Variants in AUNIP observed in about 807,000 individuals in gnomAD.
The protein encoded by AUNIP is aurora kinase A- and ninein-interacting protein.
A neutral mutation model predicts 12.2 loss-of-function variants in AUNIP; 16 were observed. That is an observed-to-expected ratio of 1.31 (90% CI 0.88 to 1.99). The LOEUF (loss-of-function observed/expected upper bound fraction) is 1.99. Among genes scored for constraint, AUNIP ranks in the 30% most tolerant of loss-of-function variants. AUNIP has a pLI of 0.00. For synonymous variants in AUNIP, 142 were observed against 154.8 expected (o/e 0.92, Z 0.61); for missense variants, 411 against 419.1 (o/e 0.98, Z 0.17).
chr1:25,846,293 C>T (rs1009747305), intron 1 of AUNIP, among the ~76,000 whole-genome samples: 1 of 151,736 alleles, frequency 6.6e-6, no homozygotes, highest in Non-Finnish European at 1.5e-5. Context: ...GTGGCGTGCA[C>T]CTGTAGTCCC....
At chr1:25,849,334 T>C (rs1205691140) in intron 1 of AUNIP, among the ~76,000 whole-genome samples, 1 of 152,202 alleles carries the variant, frequency 6.6e-6, no homozygotes, top group Non-Finnish European at 1.5e-5. Context: ...TATGAAGTTG[T>C]GTAATTATCA....
chr1:25,855,904 G>T (rs1431150924), intron 1 of AUNIP, among the ~76,000 whole-genome samples: 1 of 152,214 alleles, frequency 6.6e-6, no homozygotes, highest in Non-Finnish European at 1.5e-5. Flanking sequence ...ACAAGAAGGA[G>T]AAATGGTGTT....
intron 1 of AUNIP, among the ~76,000 whole-genome samples, chr1:25,849,326 T>C (rs1045374258): frequency 6.6e-6 from 1 of 152,214 alleles, no homozygotes; most frequent in African/African-American, 2.4e-5. Flanking sequence ...AGTATACTTA[T>C]GAAGTTGTGT....
At position 25,859,274 on chromosome 1, in the gene AUNIP, T is replaced by C; in HGVS notation, c.78+6A>G. 6.4e-7 allele frequency: 1 copy of C among 1,573,124 alleles called. No homozygotes were observed. ...CCCAACGCCCTCTCATCCCCCAGCG[T>C]CCCACCTGCACTTTCCGCCTCTTCA... On this transcript the variant is annotated splice_donor_region_variant and intron_variant, in intron 1 of 2. Coordinates refer to ENST00000374298, the MANE Select transcript of AUNIP (RefSeq NM_024037.3).
chr1:25,846,135 C>T (rs982459867), intron 1 of AUNIP, among the ~76,000 whole-genome samples: 2 of 152,092 alleles, frequency 1.3e-5, no homozygotes, highest in African/African-American at 2.4e-5. Flanking sequence ...AAGGGTGCTC[C>T]CAGGCCGGGT....
chr1:25,859,376 G>C lies in AUNIP; in HGVS notation c.-19C>G. On this transcript the variant is annotated 5_prime_UTR_variant, in exon 1 of 3. Transcript: ENST00000374298. ...GCCTCATGGCCGCTGAGGAGACGAAGCCGGCAGGACGCCGGCGCAGGCTCC... is the reference window on the plus strand; with the variant it reads ...GCCTCATGGCCGCTGAGGAGACGAACCCGGCAGGACGCCGGCGCAGGCTCC... 6.6e-7 allele frequency: 1 copy of C among 1,504,080 alleles called. No homozygotes were observed. The highest frequency in any genetic ancestry group is 8.8e-7 in the Non-Finnish European group (1 of 1,133,604). The allele number at this position is 1,504,080 out of a possible 1,614,324, so 93.2% of individuals were successfully genotyped here.
At chr1:25,840,121 T>C (rs1037786183) in intron 1 of AUNIP, among the ~76,000 whole-genome samples, 1 of 152,024 alleles carries the variant, frequency 6.6e-6, no homozygotes, top group Non-Finnish European at 1.5e-5. Context: ...ATGTGATAGA[T>C]AAGAGAATTA....
intron 2 of AUNIP, among the ~76,000 whole-genome samples, chr1:25,836,723 T>C (rs1452910068): frequency 1.3e-5 from 2 of 151,662 alleles, no homozygotes; most frequent in East Asian, 3.9e-4. Context: ...AGTGGGTTTT[T>C]TGTTTGTTTT....
At chr1:25,848,384 A>G (rs2048399268) in intron 1 of AUNIP, among the ~76,000 whole-genome samples, 1 of 148,648 alleles carries the variant, frequency 6.7e-6, no homozygotes, top group Admixed American at 6.8e-5. Flanking sequence ...TGAAAGGCTG[A>G]GGCAGGAGAA....
In AUNIP at chr1:25,841,388, T is replaced by C. The variant is rs897361075; in HGVS notation, c.79-3834A>G. ...GTGTTTTTGTTTTTGTTTTTACAAA[T>C]TGAAGGTTTGTGGCAAGCCTGTGTT... is the stretch of plus-strand genomic sequence containing the variant. On this transcript the variant is annotated intron_variant, in intron 1 of 2. Transcript: ENST00000374298. Among the ~76,000 whole-genome samples, 32 of 152,244 alleles carry C rather than the reference T, an allele frequency of 2.1e-4. 1 individual carries two copies. The highest frequency in any genetic ancestry group is 1.8e-3 in the Admixed American group (28 of 15,284).
At chr1:25,857,152 T>C (rs1398224703) in intron 1 of AUNIP, among the ~76,000 whole-genome samples, 2 of 152,036 alleles carry the variant, frequency 1.3e-5, no homozygotes, top group Non-Finnish European at 2.9e-5. Flanking sequence ...GTATACAAGT[T>C]TCCCACGCAT....
At chr1:25,854,893 C>G (rs2048449628) in intron 1 of AUNIP, among the ~76,000 whole-genome samples, 1 of 152,102 alleles carries the variant, frequency 6.6e-6, no homozygotes, top group Admixed American at 6.6e-5. Flanking sequence ...CTGGCTTCTC[C>G]CAAAGAGACA....
At chr1:25,859,184 G>T in intron 1 of AUNIP, 96 bp downstream of exon 1, 2 of 1,289,710 alleles carry the variant, frequency 1.6e-6, no homozygotes, top group South Asian at 1.3e-5. Flanking sequence ...CCCCGACTTC[G>T]CTTTCATCAT....
chr1:25,837,771 A>C (rs2048315433), intron 1 of AUNIP, among the ~76,000 whole-genome samples: 1 of 152,198 alleles, frequency 6.6e-6, no homozygotes. Flanking sequence ...ATGATAGCCC[A>C]ATCTTTCTGC....
Position 25,859,390 on chromosome 1 carries a change from GGCGCAGGC to G in AUNIP, c.-41_-34del. ...GAGGAGACGAAGCCGGCAGGACGCCGGCGCAGGCTCCCGGCGCCTCAGGGAACGCCAGA... is the reference window on the plus strand; with the variant it reads ...GAGGAGACGAAGCCGGCAGGACGCCGTCCCGGCGCCTCAGGGAACGCCAGA... On this transcript the variant is annotated 5_prime_UTR_variant, in exon 1 of 3. Transcript: ENST00000374298. 6.8e-7 allele frequency: 1 copy of G among 1,480,944 alleles called. No homozygotes were observed. Among genetic ancestry groups the G allele is most frequent in the Non-Finnish European group, 8.9e-7 (1 of 1,125,134 alleles). 91.7% of individuals were successfully genotyped at this position (1,480,944 alleles called of 1,614,324 possible).
At chr1:25,840,956 ATAGT>A (rs2124500539) in intron 1 of AUNIP, among the ~76,000 whole-genome samples, 1 of 152,376 alleles carries the variant, frequency 6.6e-6, no homozygotes, top group South Asian at 2.1e-4. Flanking sequence ...AGACTAATAA[ATAGT>A]TATTTAAATT....
At chr1:25,832,831 A>T (rs1044518), downstream of AUNIP, 1 of 154,240 alleles carries the variant, frequency 6.5e-6, no homozygotes, top group Non-Finnish European at 1.4e-5. Flanking sequence ...TATGTACCAC[A>T]CCATGCATGA....
In AUNIP at chr1:25,834,659, C is replaced by A; in HGVS notation, c.*334G>T. 1.9e-6 allele frequency: 2 copies of A among 1,047,990 alleles called. No individual in the cohort carries two copies. Among genetic ancestry groups the A allele is most frequent in the Non-Finnish European group, 1.1e-6 (1 of 870,214 alleles). The allele number at this position is 1,047,990 out of a possible 1,614,324, so 64.9% of individuals were successfully genotyped here. A position where few individuals can be genotyped will look rare whatever the true frequency, so the allele number is the denominator to read the frequency against. On this transcript the variant is annotated 3_prime_UTR_variant, in exon 3 of 3. Coordinates refer to ENST00000374298, the MANE Select transcript of AUNIP (RefSeq NM_024037.3). ...ACACATCCATAAGCAAGGTCCCAGT[C>A]AGACATCTGGAAGGGCAAAGAGATG...
chr1:25,843,185 A>AAAAAAAAT (rs1553123796), intron 1 of AUNIP, among the ~76,000 whole-genome samples: 1 of 124,956 alleles, frequency 8.0e-6, no homozygotes, highest in African/African-American at 3.0e-5. Context: ...AAAAAAAAAA[A>AAAAAAAAT]ATATATATAT....
Sources: gnomAD v4.1 joint callset for allele counts (sites outside exome capture counted in the v4.1 genomes callset) on GRCh38, gnomAD v4.1.1 for gene constraint, MANE v1.5 for transcripts, NCBI Gene and HGNC (gene_info 2026-07-23, HGNC 2026-07-21) for gene names.